ENOX1: variants seen among roughly 807,000 people sequenced by gnomAD.
ENOX1 encodes ecto-NOX disulfide-thiol exchanger 1, also known as candidate growth-related and time keeping constitutive hydroquinone (NADH) oxidase.
A neutral mutation model predicts 82.5 loss-of-function variants in ENOX1; 42 were observed. The ratio of observed to expected loss-of-function variants is 0.51; its 90% confidence interval spans 0.40 to 0.66. ENOX1 has a LOEUF of 0.66. Among genes scored for constraint, ENOX1 ranks in the 30% least tolerant of loss-of-function variants. The pLI, the probability that ENOX1 is intolerant of heterozygous loss-of-function variation, is 0.00. For missense variants in ENOX1, 608 were observed against 811.6 expected (o/e 0.75, Z 3.05); for synonymous variants, 271 against 282.2 (o/e 0.96, Z 0.40).
chr13:43,388,872 T>C (rs1030470012), intron 5 of ENOX1, among the ~76,000 whole-genome samples: 9 of 151,924 alleles, frequency 5.9e-5, no homozygotes, highest in African/African-American at 2.2e-4. Flanking sequence ...CAACTGTGAG[T>C]CTGGAAACAC....
At chr13:43,625,935 A>T (rs2082943542) in intron 2 of ENOX1, among the ~76,000 whole-genome samples, 2 of 151,880 alleles carry the variant, frequency 1.3e-5, no homozygotes, top group South Asian at 4.1e-4. Context: ...TTCTTCAAAC[A>T]TGTGATAGAA....
chr13:43,708,754 T>G (rs1245629452), intron 1 of ENOX1, among the ~76,000 whole-genome samples: 4 of 152,182 alleles, frequency 2.6e-5, no homozygotes, highest in African/African-American at 9.7e-5. Flanking sequence ...CCAGGACGAT[T>G]CATAGAGCTA....
intron 1 of ENOX1, among the ~76,000 whole-genome samples, chr13:43,772,871 G>C (rs546012030): frequency 6.6e-6 from 1 of 151,900 alleles, no homozygotes; most frequent in Non-Finnish European, 1.5e-5. Flanking sequence ...TCAGTAGCTT[G>C]AGATGGGCTG....
At position 43,276,478 on chromosome 13, in the gene ENOX1, C is replaced by T. The variant is rs796244063; in HGVS notation, c.1447-6901G>A. Among the ~76,000 whole-genome samples, 9 of 152,278 alleles carry T rather than the reference C, an allele frequency of 5.9e-5. No individual in the cohort carries two copies. The South Asian group carries it at 8.3e-4, about 14-fold the overall frequency. On this transcript the variant is annotated intron_variant, in intron 12 of 16. Transcript: ENST00000690772. ...TTGGTGGGATCCTGTTACATCCCAC[C>T]GCCCCACAGCTTACTGTGTCTTCAG...
intron 3 of ENOX1, among the ~76,000 whole-genome samples, chr13:43,427,283 A>G (rs994682239): frequency 3.9e-5 from 6 of 152,176 alleles, no homozygotes; most frequent in African/African-American, 9.7e-5. Flanking sequence ...TGTGGCAAGA[A>G]ACTCACATCC....
intron 3 of ENOX1, among the ~76,000 whole-genome samples, chr13:43,465,543 A>G (rs1298233867): frequency 6.6e-6 from 1 of 152,108 alleles, no homozygotes; most frequent in Non-Finnish European, 1.5e-5. Flanking sequence ...CCTAGTTCCT[A>G]TTATTGGAGG....
In ENOX1 at chr13:43,662,536, A is replaced by C. The variant is rs151112597; in HGVS notation, c.-219+4943T>G. Among the ~76,000 whole-genome samples the C allele has an allele frequency of 6.3e-3, 952 of 152,226 alleles. 29 individuals are homozygous for C. Among genetic ancestry groups the C allele is most frequent in the Admixed American group, 0.052 (801 of 15,282 alleles). ...CAAACTGCATCTCTTTTCTGTACAT[A>C]TTTCTGACTTTTGTTTAATGTAATC... On this transcript the variant is annotated intron_variant, in intron 2 of 16. Transcript: ENST00000690772.
At chr13:43,616,808 G>A (rs914267743) in intron 2 of ENOX1, among the ~76,000 whole-genome samples, 1 of 152,034 alleles carries the variant, frequency 6.6e-6, no homozygotes, top group African/African-American at 2.4e-5. Context: ...GGTACTAGAG[G>A]AAATATCCAA....
chr13:43,258,540 A>G lies in ENOX1; in HGVS notation c.1611+6858T>C, dbSNP rs181522460. Among the ~76,000 whole-genome samples, 394 of 152,298 alleles carry G rather than the reference A, an allele frequency of 2.6e-3. 1 individual carries two copies. Among genetic ancestry groups the G allele is most frequent in the Admixed American group, 5.9e-3 (91 of 15,304 alleles). On this transcript the variant is annotated intron_variant, in intron 14 of 16. Coordinates refer to ENST00000690772, the MANE Select transcript of ENOX1 (RefSeq NM_001347969.2). Reference sequence around the variant, plus strand: ...AGAAGAGCAAGTTCTGGGTATGAGCATTTAATATGTGGACAGGGTAATATA... The same window carrying G: ...AGAAGAGCAAGTTCTGGGTATGAGCGTTTAATATGTGGACAGGGTAATATA...
intron 2 of ENOX1, among the ~76,000 whole-genome samples, chr13:43,553,740 ATCTT>A (rs1055648195): frequency 1.3e-5 from 2 of 152,094 alleles, no homozygotes; most frequent in South Asian, 2.1e-4. Context: ...AGAATAAAGT[ATCTT>A]TCTTTCTTTC....
At chr13:43,408,509 C>T (rs1224623136) in intron 5 of ENOX1, among the ~76,000 whole-genome samples, 11 of 152,088 alleles carry the variant, frequency 7.2e-5, no homozygotes, top group African/African-American at 2.4e-4. Context: ...TCTTTAAGTC[C>T]CTTCTGAAAC....
intron 2 of ENOX1, among the ~76,000 whole-genome samples, chr13:43,558,756 G>A (rs912024395): frequency 6.6e-5 from 10 of 152,156 alleles, no homozygotes; most frequent in Admixed American, 2.6e-4. Flanking sequence ...AAGATACAGA[G>A]ACTAAAGAGA....
intron 5 of ENOX1, among the ~76,000 whole-genome samples, chr13:43,375,225 C>G (rs1211537553): frequency 2.0e-5 from 3 of 147,010 alleles, no homozygotes; most frequent in Non-Finnish European, 4.5e-5. Context: ...AGAAGTGTGA[C>G]AGGTGAGAGG....
At chr13:43,218,565 G>T (rs1418655214) in intron 16 of ENOX1, among the ~76,000 whole-genome samples, 1 of 152,204 alleles carries the variant, frequency 6.6e-6, no homozygotes, top group Non-Finnish European at 1.5e-5. Context: ...GTTGGAGCCT[G>T]CAGTGAGCTG....
chr13:43,511,561 A>C (rs1030118638), intron 2 of ENOX1, among the ~76,000 whole-genome samples: 11 of 152,190 alleles, frequency 7.2e-5, no homozygotes, highest in African/African-American at 2.7e-4. Context: ...TCAAGCATGT[A>C]TTCTGTGCTA....
intron 2 of ENOX1, among the ~76,000 whole-genome samples, chr13:43,510,994 T>C (rs2077347094): frequency 6.6e-6 from 1 of 152,132 alleles, no homozygotes; most frequent in Non-Finnish European, 1.5e-5. Flanking sequence ...TTTCTACTAA[T>C]GCCACGTGCA....
intron 3 of ENOX1, among the ~76,000 whole-genome samples, chr13:43,465,079 C>T (rs2153640435): frequency 6.6e-6 from 1 of 152,194 alleles, no homozygotes; most frequent in South Asian, 2.1e-4. Context: ...GTGATGTTAA[C>T]CTTGATCACC....
intron 9 of ENOX1, among the ~76,000 whole-genome samples, chr13:43,340,094 G>C (rs2048969164): frequency 1.3e-5 from 2 of 152,220 alleles, no homozygotes; most frequent in African/African-American, 4.8e-5. Flanking sequence ...GACAGGAAAG[G>C]AGAGGCATTT....
chr13:43,497,555 A>T (rs2076836703), intron 2 of ENOX1, among the ~76,000 whole-genome samples: 1 of 152,112 alleles, frequency 6.6e-6, no homozygotes, highest in Non-Finnish European at 1.5e-5. Flanking sequence ...GAATGCATAC[A>T]TACTTGAAAT....
Sources: allele counts gnomAD v4.1 joint callset (sites outside exome capture counted in the v4.1 genomes callset), GRCh38; gene constraint gnomAD v4.1.1; transcripts MANE v1.5; gene names NCBI Gene and HGNC (gene_info 2026-07-23, HGNC 2026-07-21).